Variants in NRCAM observed in about 807,000 individuals in gnomAD.
NRCAM encodes the protein neuronal cell adhesion molecule, also known as NgCAM-related cell adhesion molecule.
In NRCAM, 83 loss-of-function variants were observed where a neutral mutation model predicts 156.5. The ratio of observed to expected loss-of-function variants is 0.53; its 90% CI spans 0.44 to 0.64. The LOEUF is 0.64. NRCAM is among the 30% of genes least tolerant of loss of function. NRCAM has a pLI of 0.00. For missense variants in NRCAM, 1,417 were observed against 1,597.3 expected (o/e 0.89, Z 1.92); for synonymous variants, 538 against 563.9 (o/e 0.95, Z 0.65).
chr7:108,148,690 A>AT lies in NRCAM; in HGVS notation c.*1219dup, dbSNP rs1157168579. On this transcript the variant is annotated 3_prime_UTR_variant, in exon 33 of 33. Transcript: ENST00000379028. ...ATGCTGCAGAGTTTTGAACACTTAC[A>AT]TAGGTAAAGTCTTGGAGAATAATAT... 1 of 152,640 alleles carries AT rather than the reference A, an allele frequency of 6.6e-6. No individual in the cohort carries two copies. Among genetic ancestry groups the AT allele is most frequent in the East Asian group, 1.9e-4 (1 of 5,204 alleles). 9.5% of individuals were successfully genotyped at this position (152,640 alleles called of 1,614,324 possible).
chr7:108,268,636 T>TGGGGGGGGGGG (rs1300340254), intron 3 of NRCAM, among the ~76,000 whole-genome samples: 2 of 8,500 alleles, frequency 2.4e-4, no homozygotes, highest in African/African-American at 4.8e-4. Context: ...GGGGGGGGGT[T>TGGGGGGGGGGG]GGGGGGGGCG....
At chr7:108,409,828 T>C (rs1178346194) in intron 1 of NRCAM, among the ~76,000 whole-genome samples, 3 of 152,214 alleles carry the variant, frequency 2.0e-5, no homozygotes, top group Non-Finnish European at 2.9e-5. Flanking sequence ...ATAATATGCA[T>C]AGACTTTTGA....
chr7:108,395,971 C>T (rs1156724644), intron 2 of NRCAM, among the ~76,000 whole-genome samples: 2 of 152,180 alleles, frequency 1.3e-5, no homozygotes, highest in Admixed American at 6.5e-5. Context: ...CCTGCTCATA[C>T]GGTTGTTCTG....
At chr7:108,364,549 G>A (rs190256531) in intron 2 of NRCAM, among the ~76,000 whole-genome samples, 138 of 152,130 alleles carry the variant, frequency 9.1e-4, no homozygotes, top group African/African-American at 3.2e-3. Context: ...ACAAAAACCT[G>A]TCCATTCATG....
chr7:108,150,779 A>G (rs771464193), intron 32 of NRCAM: 1 of 514,444 alleles, frequency 1.9e-6, no homozygotes, highest in African/African-American at 2.0e-5. Flanking sequence ...AAATCCTTAT[A>G]CTGATAGTAC....
At position 108,284,120 on chromosome 7, in the gene NRCAM, C is replaced by A. The variant is rs530067819; in HGVS notation, c.-107+28545G>T. Among the ~76,000 whole-genome samples the A allele has an allele frequency of 2.0e-5, 3 of 152,206 alleles. No individual in the cohort carries two copies. In the South Asian group the frequency reaches 6.2e-4, roughly 32 times the overall value. ...TACAGGTGTAAGCCATTATGCCCAG[C>A]CTCTCATTTCCAAATTATATCACAT... On this transcript the variant is annotated intron_variant, in intron 3 of 32. Coordinates refer to ENST00000379028, the MANE Select transcript of NRCAM (RefSeq NM_001037132.4).
chr7:108,193,137 C>A lies in NRCAM; in HGVS notation c.1778+887G>T, dbSNP rs56952058. The stretch of plus-strand genomic sequence containing the variant: ...TTCTGGGCCCAGGTAATTCTCCCAC[C>A]TCAGCCTCCCAGGTAGCTGGGACCA... On this transcript the variant is annotated intron_variant, in intron 17 of 32. Coordinates refer to ENST00000379028, the MANE Select transcript of NRCAM (RefSeq NM_001037132.4). Among the ~76,000 whole-genome samples, 285 of 152,304 alleles carry A rather than the reference C, an allele frequency of 1.9e-3. 10 individuals carry two copies. The East Asian group carries it at 0.046, about 25-fold the overall frequency.
intron 2 of NRCAM, among the ~76,000 whole-genome samples, chr7:108,368,284 A>C (rs545602238): frequency 7.4e-6 from 1 of 134,968 alleles, no homozygotes; most frequent in Non-Finnish European, 1.5e-5. Context: ...GCCCTGAAAC[A>C]TGGTTTCTAA....
At chr7:108,311,045 C>A (rs181077726) in intron 3 of NRCAM, among the ~76,000 whole-genome samples, 173 of 152,246 alleles carry the variant, frequency 1.1e-3, no homozygotes, top group Non-Finnish European at 1.9e-3. Context: ...TGGGAGAGCA[C>A]CTGCTGTTGA....
At chr7:108,341,662 T>C (rs2099278819) in intron 2 of NRCAM, among the ~76,000 whole-genome samples, 1 of 152,056 alleles carries the variant, frequency 6.6e-6, no homozygotes, top group African/African-American at 2.4e-5. Context: ...AAAATGCCCA[T>C]CCTGTTCAAA....
chr7:108,227,058 T>C (rs1347102489), intron 8 of NRCAM, among the ~76,000 whole-genome samples: 1 of 152,242 alleles, frequency 6.6e-6, no homozygotes, highest in African/African-American at 2.4e-5. Flanking sequence ...CCTTCTGGCA[T>C]ACTACATATC....
chr7:108,296,467 T>C (rs1269122048), intron 3 of NRCAM, among the ~76,000 whole-genome samples: 1 of 152,084 alleles, frequency 6.6e-6, no homozygotes, highest in Admixed American at 6.6e-5. Context: ...AGAGCGCTAA[T>C]GCCATGTCTG....
At chr7:108,252,229 C>T (rs1365459697) in intron 3 of NRCAM, among the ~76,000 whole-genome samples, 3 of 152,138 alleles carry the variant, frequency 2.0e-5, no homozygotes, top group South Asian at 2.1e-4. Flanking sequence ...CCTGCTCCTG[C>T]GTGGTCAGCT....
At chr7:108,447,631 A>G (rs939122688) in intron 1 of NRCAM, among the ~76,000 whole-genome samples, 2 of 152,132 alleles carry the variant, frequency 1.3e-5, no homozygotes, top group African/African-American at 4.8e-5. Context: ...AAAGGAACAA[A>G]ACAGCTGGAA....
intron 24 of NRCAM, among the ~76,000 whole-genome samples, chr7:108,181,273 G>T (rs1197563193): frequency 1.3e-5 from 2 of 151,670 alleles, no homozygotes; most frequent in African/African-American, 4.8e-5. Flanking sequence ...AGTAGTGACT[G>T]TACGCTTGGC....
At position 108,151,406 on chromosome 7, in the gene NRCAM, G is replaced by A. The variant is rs145125145; in HGVS notation, c.3678-1259C>T. Among the ~76,000 whole-genome samples the A allele has an allele frequency of 2.4e-3, 364 of 151,012 alleles. 1 individual carries two copies. Among genetic ancestry groups the A allele is most frequent in the African/African-American group, 8.3e-3 (343 of 41,280 alleles). ...CTGCTAAGACTTTACTGCTCCCTCT[G>A]TTTCAGACAGTGACTTTTTTTTTCA... On this transcript the variant is annotated intron_variant, in intron 32 of 32. Transcript: ENST00000379028.
At chr7:108,428,950 CT>C (rs1482991091) in intron 1 of NRCAM, among the ~76,000 whole-genome samples, 5 of 114,766 alleles carry the variant, frequency 4.4e-5, no homozygotes, top group African/African-American at 9.2e-5. Context: ...TTCTTTTCTT[CT>C]TTTTTTTTTT....
intron 3 of NRCAM, among the ~76,000 whole-genome samples, chr7:108,256,398 GC>G (rs2096663791): frequency 6.7e-6 from 1 of 148,656 alleles, no homozygotes; most frequent in Non-Finnish European, 1.5e-5. Context: ...TGCAAGATGT[GC>G]TTTGTTAAAC....
chr7:108,250,700 A>T (rs1021570706), intron 3 of NRCAM, among the ~76,000 whole-genome samples: 1 of 152,076 alleles, frequency 6.6e-6, no homozygotes, highest in Admixed American at 6.5e-5. Flanking sequence ...TGATAGCAGA[A>T]CAGGGTGATT....
Sources: gnomAD v4.1 joint callset for allele counts (sites outside exome capture counted in the v4.1 genomes callset) on GRCh38, gnomAD v4.1.1 for gene constraint, MANE v1.5 for transcripts, NCBI Gene and HGNC (gene_info 2026-07-23, HGNC 2026-07-21) for gene names.